The following CABIN1 variants were observed in gnomAD, a reference collection of about 807,000 sequenced individuals.
CABIN1 encodes calcineurin binding protein 1, also known as calcineurin-binding protein cabin-1.
Under a neutral mutation model 227.7 loss-of-function variants are expected in CABIN1, and 133 were observed. The ratio of observed to expected loss-of-function variants is 0.58; its 90% CI spans 0.51 to 0.67. The LOEUF (loss-of-function observed/expected upper bound fraction) is 0.67, where lower values mean the gene tolerates loss of function less well. CABIN1 is among the 30% of genes least tolerant of loss of function. The probability of loss-of-function intolerance (pLI) is 0.00; values close to 1 mark genes in which losing one functional copy is unlikely to be tolerated. For synonymous variants in CABIN1, 1,086 were observed against 1,155.1 expected (o/e 0.94, Z 1.21); for missense variants, 2,408 against 2,852.5 (o/e 0.84, Z 3.55).
At chr22:24,087,744 C>T (rs749463065) in intron 23 of CABIN1, 31 bp downstream of exon 23, 3 of 1,612,192 alleles carry the variant, frequency 1.9e-6, no homozygotes, top group South Asian at 1.1e-5. Flanking sequence ...ATGGGCTTGC[C>T]ATCCTTCTGT....
At chr22:24,087,864 C>A in intron 23 of CABIN1, 151 bp downstream of exon 23, 1 of 1,061,456 alleles carries the variant, frequency 9.4e-7, no homozygotes, top group Non-Finnish European at 1.4e-6. Flanking sequence ...AGGCTTAAGC[C>A]ATACCATGGT....
At chr22:24,141,250 A>C (rs562821224) in intron 29 of CABIN1, among the ~76,000 whole-genome samples, 33 of 152,314 alleles carry the variant, frequency 2.2e-4, no homozygotes, top group African/African-American at 7.7e-4. Context: ...CTTAGCCGTC[A>C]CACCCACCAC....
Position 24,136,524 on chromosome 22 carries a change from A to ATTTTTTTTTTT in CABIN1, c.4746+2123_4746+2133dup, listed in dbSNP as rs145864566. ...ACTGCCACGCCCAGCTAATTTTTGT[A>ATTTTTTTTTTT]TTTTTTTTTTTTTTTTTTTTTTTTA... On this transcript the variant is annotated intron_variant, in intron 29 of 36. Coordinates refer to ENST00000263119, the MANE Select transcript of CABIN1 (RefSeq NM_012295.4). Among the ~76,000 whole-genome samples the ATTTTTTTTTTT allele has an allele frequency of 7.8e-3, 542 of 69,846 alleles. 25 individuals are homozygous for ATTTTTTTTTTT. Among genetic ancestry groups the ATTTTTTTTTTT allele is most frequent in the East Asian group, 0.014 (27 of 1,974 alleles). 45.8% of individuals were successfully genotyped at this position (69,846 alleles called of 152,430 possible).
intron 4 of CABIN1, among the ~76,000 whole-genome samples, chr22:24,039,194 A>G (rs150328917): frequency 6.6e-6 from 1 of 152,304 alleles, no homozygotes; most frequent in African/African-American, 2.4e-5. Context: ...AAACATGCAG[A>G]TGATGTGCAT....
intron 23 of CABIN1, 105 bp from the exon 24 acceptor site, chr22:24,091,478 G>C: frequency 7.4e-7 from 1 of 1,346,064 alleles, no homozygotes; most frequent in Non-Finnish European, 1.1e-6. Context: ...TTGTTAAGAG[G>C]AGTATAAACT....
intron 19 of CABIN1, among the ~76,000 whole-genome samples, chr22:24,082,922 G>C (rs1254025135): frequency 6.6e-6 from 1 of 152,214 alleles, no homozygotes; most frequent in African/African-American, 2.4e-5. Context: ...AAGTTCCCAG[G>C]AGGCAAATAT....
chr22:24,095,426 AC>A (rs199640133), intron 24 of CABIN1, among the ~76,000 whole-genome samples: 2 of 69,356 alleles, frequency 2.9e-5, no homozygotes, highest in African/African-American at 1.0e-4. Context: ...CTGCCCACCC[AC>A]CCCCCCACCA....
chr22:24,075,389 G>A (rs2040369004), intron 18 of CABIN1, among the ~76,000 whole-genome samples: 1 of 152,278 alleles, frequency 6.6e-6, no homozygotes, highest in South Asian at 2.1e-4. Flanking sequence ...AAACAAATGT[G>A]TAACTGGAAT....
At chr22:24,096,703 G>T (rs1250634526) in intron 25 of CABIN1, among the ~76,000 whole-genome samples, 3 of 152,208 alleles carry the variant, frequency 2.0e-5, no homozygotes, top group East Asian at 3.8e-4. Context: ...ATGGGTTTGG[G>T]GTGACATGGG....
At chr22:24,171,576 T>TGGTGCCA in intron 33 of CABIN1, 137 bp from the exon 34 acceptor site, 1 of 939,116 alleles carries the variant, frequency 1.1e-6, no homozygotes, top group Non-Finnish European at 1.7e-6. Context: ...GGGGGCTCAG[T>TGGTGCCA]GGTGCCATAT....
rs201653640 is a variant in CABIN1, at chr22:24,171,929, A to G, written c.5974A>G (p.Lys1992Glu). ...SASASTLDQS[K>E]DPGPPRPHRP... ...ATCAGCTTCCACCCTGGACCAGTCCAAGGACCCTGGGCCTCCCCGGCCACA... is the reference window on the plus strand; with the variant it reads ...ATCAGCTTCCACCCTGGACCAGTCCGAGGACCCTGGGCCTCCCCGGCCACA... Residue 1992 changes from lysine (K) to glutamate (E), a missense_variant, in exon 34 of 37, where the codon AAG becomes GAG. Physicochemically the swap from Lys to Glu is moderately conservative, Grantham distance 56. Around this residue, in one of 3 missense-constraint regions of CABIN1, gnomAD observed 714 missense variants for 773.8 expected, o/e 0.92. Coordinates refer to ENST00000263119, the MANE Select transcript of CABIN1 (RefSeq NM_012295.4). 763 of 1,613,914 alleles carry G rather than the reference A, an allele frequency of 4.7e-4. 3 individuals are homozygous for G. The Middle Eastern group carries it at 7.1e-3, about 15-fold the overall frequency.
intron 13 of CABIN1, 75 bp from the exon 14 acceptor site, chr22:24,062,884 A>G: frequency 6.8e-7 from 1 of 1,479,404 alleles, no homozygotes; most frequent in South Asian, 1.1e-5. Flanking sequence ...GTTAGGGCCA[A>G]GTGCAACTTC....
intron 26 of CABIN1, among the ~76,000 whole-genome samples, chr22:24,108,846 C>G (rs2042656799): frequency 6.6e-6 from 1 of 152,132 alleles, no homozygotes. Flanking sequence ...GGTATTGGCT[C>G]CAATATGGCA....
At chr22:24,071,317 C>T in intron 17 of CABIN1, 3 of 497,246 alleles carry the variant, frequency 6.0e-6, no homozygotes, top group Non-Finnish European at 1.1e-5. Flanking sequence ...GAAATAACCT[C>T]ACGGGGAGGC....
At chr22:24,116,707 G>A (rs996563903) in intron 27 of CABIN1, among the ~76,000 whole-genome samples, 1 of 152,232 alleles carries the variant, frequency 6.6e-6, no homozygotes, top group Non-Finnish European at 1.5e-5. Context: ...GTAGCCACCT[G>A]AGGGCCAGGC....
chr22:24,125,135 G>A (rs1029799851), intron 28 of CABIN1, among the ~76,000 whole-genome samples: 1 of 152,172 alleles, frequency 6.6e-6, no homozygotes, highest in African/African-American at 2.4e-5. Flanking sequence ...GCCTGGCAGC[G>A]CTAGCCCAAT....
chr22:24,051,746 T>G (rs1005611794), intron 8 of CABIN1, among the ~76,000 whole-genome samples: 3 of 151,898 alleles, frequency 2.0e-5, no homozygotes, highest in Admixed American at 6.6e-5. Context: ...CTGGGGACAT[T>G]AGGAGCCACT....
chr22:24,085,449 C>T (rs553645841), intron 22 of CABIN1, among the ~76,000 whole-genome samples: 7 of 152,320 alleles, frequency 4.6e-5, no homozygotes, highest in East Asian at 1.9e-4. Flanking sequence ...GGCAAGGAGG[C>T]GCAACCTGGC....
chr22:24,130,680 G>T (rs1346602922), intron 28 of CABIN1, among the ~76,000 whole-genome samples: 2 of 152,036 alleles, frequency 1.3e-5, no homozygotes, highest in Non-Finnish European at 2.9e-5. Context: ...TGGCACCCAT[G>T]ATTCCCCAGA....
Sources: gnomAD v4.1 joint callset for allele counts (sites outside exome capture counted in the v4.1 genomes callset) on GRCh38, gnomAD v4.1.1 for gene constraint, gnomAD v4.1.1 regional missense constraint, MANE v1.5 for transcripts, NCBI Gene and HGNC (gene_info 2026-07-23, HGNC 2026-07-21) for gene names.